PCDHGA8: variants seen among roughly 807,000 people sequenced by gnomAD.
The protein encoded by PCDHGA8 is protocadherin gamma subfamily A, 8, also known as protocadherin gamma-A8.
PCDHGA8 carries 45 observed loss-of-function variants against 59.2 expected under a neutral mutation model. The ratio of observed to expected loss-of-function variants is 0.76; its 90% CI spans 0.60 to 0.98. The LOEUF (loss-of-function observed/expected upper bound fraction) is 0.98, where lower values mean the gene tolerates loss of function less well. PCDHGA8 is among the 50% of genes least tolerant of loss of function. The pLI, the probability that PCDHGA8 is intolerant of heterozygous loss-of-function variation, is 0.00. For synonymous variants in PCDHGA8, 531 were observed against 519.0 expected (o/e 1.02, Z -0.32); for missense variants, 1,257 against 1,196.2 (o/e 1.05, Z -0.75).
chr5:141,437,346 T>C (rs143931647), intron 1 of PCDHGA8, among the ~76,000 whole-genome samples: 2 of 152,380 alleles, frequency 1.3e-5, no homozygotes, highest in East Asian at 3.9e-4. Flanking sequence ...CACTGTTTTA[T>C]AGTACCTAAA....
At position 141,408,935 on chromosome 5, in the gene PCDHGA8, G is replaced by A. The variant is rs773802276; in HGVS notation, c.2424+13698G>A. 6.8e-6 allele frequency: 11 copies of A among 1,613,590 alleles called. No homozygotes were observed. Among genetic ancestry groups the A allele is most frequent in the Non-Finnish European group, 9.3e-6 (11 of 1,179,752 alleles). ...TGATAACCCCCCGGTTTTCAGCAGAGACGAATATAGAATTAGTCTTAGTGA... is the reference window on the plus strand; with the variant it reads ...TGATAACCCCCCGGTTTTCAGCAGAAACGAATATAGAATTAGTCTTAGTGA... On this transcript the variant is annotated intron_variant, in intron 1 of 3. Coordinates refer to ENST00000398604, the MANE Select transcript of PCDHGA8 (RefSeq NM_032088.2).
chr5:141,395,413 GT>G, intron 1 of PCDHGA8, 176 bp downstream of exon 1: 2 of 791,446 alleles, frequency 2.5e-6, no homozygotes, highest in Non-Finnish European at 3.8e-6. Context: ...ATAGGTTATT[GT>G]TTCATTTGCT....
rs1562129544 is a variant in PCDHGA8 at position 141,489,362 on chromosome 5, C to G, written c.2425-5445C>G. ...TACTCAGTGGTGGAGGAGTCTGAGC[C>G]GGGGACGCTGGTGGGGAATGTTGCT... On this transcript the variant is annotated intron_variant, in intron 1 of 3. Transcript: ENST00000398604. This position sits in a 1 kb window ranked among gnomAD's most constrained non-coding sequence, Gnocchi z 4.5. 6.2e-7 allele frequency: 1 copy of G among 1,613,052 alleles called. No individual in the cohort carries two copies. Among genetic ancestry groups the G allele is most frequent in the Non-Finnish European group, 8.5e-7 (1 of 1,179,268 alleles).
Position 141,508,665 on chromosome 5 carries a change from C to T in PCDHGA8, c.2573-2282C>T, listed in dbSNP as rs181641281. ...CGTCAGGCCCTTCCTGTCATTCTGT[C>T]TCTGCCTCCCTTCTCCCTGCTTCTC... On this transcript the variant is annotated intron_variant, in intron 3 of 3. Coordinates refer to ENST00000398604, the MANE Select transcript of PCDHGA8 (RefSeq NM_032088.2). Among the ~76,000 whole-genome samples the T allele has an allele frequency of 3.7e-3, 564 of 152,254 alleles. 5 individuals carry two copies. Among genetic ancestry groups the T allele is most frequent in the Admixed American group, 0.011 (164 of 15,296 alleles).
chr5:141,432,070 T>C lies in PCDHGA8; in HGVS notation c.2424+36833T>C. 6.2e-7 allele frequency: 1 copy of C among 1,614,136 alleles called. No homozygotes were observed. The highest frequency in any genetic ancestry group is 2.2e-5 in the East Asian group (1 of 44,860). ...CCCCGCCCCTATCCACGGAAACTCATATCTCGCTGAACGTGGCAGACACCA... is the reference window on the plus strand; with the variant it reads ...CCCCGCCCCTATCCACGGAAACTCACATCTCGCTGAACGTGGCAGACACCA... On this transcript the variant is annotated intron_variant, in intron 1 of 3. Transcript: ENST00000398604. The surrounding 1 kb of genome is among the most constrained non-coding windows in gnomAD (Gnocchi z 6.0).
intron 1 of PCDHGA8, chr5:141,427,791 G>T (rs763294539): frequency 1.3e-6 from 2 of 1,488,082 alleles, no homozygotes; most frequent in South Asian, 1.1e-5. Context: ...GTCGTCCTAC[G>T]TGTCCGTGAG....
chr5:141,509,575 T>C (rs186302231), intron 3 of PCDHGA8, among the ~76,000 whole-genome samples: 153 of 152,320 alleles, frequency 1.0e-3, no homozygotes, highest in African/African-American at 3.7e-3. Flanking sequence ...TCACAGTGCG[T>C]ACAAATCAGC....
intron 1 of PCDHGA8, among the ~76,000 whole-genome samples, chr5:141,436,720 A>G (rs1337926057): frequency 1.5e-4 from 23 of 152,216 alleles, no homozygotes; most frequent in Non-Finnish European, 3.4e-4. Context: ...TCTGTTGGGA[A>G]AAATAATAAT....
Position 141,496,888 on chromosome 5 carries a change from TA to T in PCDHGA8, c.2483+2038del, listed in dbSNP as rs35063790. 4.6e-3 allele frequency among the ~76,000 whole-genome samples: 621 copies of T among 133,932 alleles called. 1 individual carries two copies. Among genetic ancestry groups the T allele is most frequent in the Middle Eastern group, 0.011 (3 of 270 alleles). 87.9% of individuals were successfully genotyped at this position (133,932 alleles called of 152,430 possible). ...CTGAAAATTTGCAACAAGTAACACT[TA>T]AAAAAAAAAAAAAAGGCTGGGCACT... On this transcript the variant is annotated intron_variant, in intron 2 of 3. Coordinates refer to ENST00000398604, the MANE Select transcript of PCDHGA8 (RefSeq NM_032088.2).
At position 141,485,398 on chromosome 5, in the gene PCDHGA8, C is replaced by T. The variant is rs906016330; in HGVS notation, c.2425-9409C>T. The T allele has an allele frequency of 1.3e-5, 21 of 1,614,044 alleles. No individual in the cohort carries two copies. The highest frequency in any genetic ancestry group is 1.8e-5 in the Non-Finnish European group (21 of 1,179,928). On this transcript the variant is annotated intron_variant, in intron 1 of 3. Coordinates refer to ENST00000398604, the MANE Select transcript of PCDHGA8 (RefSeq NM_032088.2). This position sits in a 1 kb window ranked among gnomAD's most constrained non-coding sequence, Gnocchi z 5.7. ...CTGGAGAGGTGAACCAAAGACACTT[C>T]CGTGTGGATTTGGACAGCGGAGCCC...
In PCDHGA8 at chr5:141,432,518, C is replaced by T. The variant is rs1314948517; in HGVS notation, c.2424+37281C>T. 6.2e-7 allele frequency: 1 copy of T among 1,614,126 alleles called. No homozygotes were observed. The highest frequency in any genetic ancestry group is 8.5e-7 in the Non-Finnish European group (1 of 1,180,024). On this transcript the variant is annotated intron_variant, in intron 1 of 3. Coordinates refer to ENST00000398604, the MANE Select transcript of PCDHGA8 (RefSeq NM_032088.2). This position sits in a 1 kb window ranked among gnomAD's most constrained non-coding sequence, Gnocchi z 6.0. The stretch of plus-strand genomic sequence containing the variant: ...TCCCCGCTCCGCAGAGCCCGGCTAC[C>T]TGGTGACCAAGGTGGTGGCGGTGGA...
Position 141,476,901 on chromosome 5 carries a change from G to A in PCDHGA8, c.2425-17906G>A, listed in dbSNP as rs1466086788. The A allele has an allele frequency of 1.9e-6, 3 of 1,613,782 alleles. No individual in the cohort carries two copies. The African/African-American group carries it at 4.0e-5, about 22-fold the overall frequency. On this transcript the variant is annotated intron_variant, in intron 1 of 3. Coordinates refer to ENST00000398604, the MANE Select transcript of PCDHGA8 (RefSeq NM_032088.2). The surrounding 1 kb of genome is among the most constrained non-coding windows in gnomAD (Gnocchi z 7.6). ...CTGGAGGATGCACCCTCCGGCACGC[G>A]CGTGGTACAAGTCCTTGCAACGGAT...
chr5:141,510,839 C>T (rs186647886), intron 3 of PCDHGA8, 108 bp from the exon 4 acceptor site: 36 of 1,586,990 alleles, frequency 2.3e-5, no homozygotes, highest in Non-Finnish European at 3.1e-5. Context: ...TCAGCGTGGT[C>T]AAGGCCCAGG....
At position 141,392,841 on chromosome 5, in the gene PCDHGA8, C is replaced by T. The variant is rs1464167244; in HGVS notation, c.28C>T (p.Arg10Cys). Reference sequence around the variant, plus strand: ...GGCCGCTCCACAGAGTCGCCCCAGACGCGGCGAGCTGATCCTGCTGTGCGC... The same window carrying T: ...GGCCGCTCCACAGAGTCGCCCCAGATGCGGCGAGCTGATCCTGCTGTGCGC... MAAPQSRPR[R>C]GELILLCALL... The change falls in exon 1 of 4, where the codon CGC becomes TGC. Residue 10 changes from arginine (R) to cysteine (C), a missense_variant. Arg to Cys is a radical substitution (Grantham distance 180). Transcript: ENST00000398604. 1.9e-6 allele frequency: 3 copies of T among 1,608,800 alleles called. No homozygotes were observed. Among genetic ancestry groups the T allele is most frequent in the Non-Finnish European group, 8.5e-7 (1 of 1,177,564 alleles).
chr5:141,402,829 T>G (rs921784924), intron 1 of PCDHGA8: 4 of 1,341,920 alleles, frequency 3.0e-6, no homozygotes, highest in Admixed American at 5.9e-5. Context: ...GCTCCCAGGC[T>G]GCAGCAAAAC....
chr5:141,467,162 C>T (rs765574629), intron 1 of PCDHGA8, among the ~76,000 whole-genome samples: 1 of 151,724 alleles, frequency 6.6e-6, no homozygotes, highest in Non-Finnish European at 1.5e-5. Flanking sequence ...AAGTGATTCT[C>T]ATCTCTCAGC....
chr5:141,421,307 T>C, intron 1 of PCDHGA8: 10 of 1,613,674 alleles, frequency 6.2e-6, no homozygotes, highest in Non-Finnish European at 8.5e-6. Context: ...CTGCGGGGGT[T>C]CCGGGCCAGG....
chr5:141,457,337 TTAC>T (rs1446765287), intron 1 of PCDHGA8, among the ~76,000 whole-genome samples: 2 of 152,202 alleles, frequency 1.3e-5, no homozygotes, highest in Non-Finnish European at 2.9e-5. Flanking sequence ...GGTACCTTAC[TTAC>T]TTTCATTACC....
intron 1 of PCDHGA8, among the ~76,000 whole-genome samples, chr5:141,494,397 A>G (rs965158973): frequency 7.2e-5 from 11 of 152,208 alleles, no homozygotes; most frequent in African/African-American, 2.4e-4. Flanking sequence ...GAATAAATTC[A>G]TTCTAGGGCT....
Sources: gnomAD v4.1 joint callset for allele counts (sites outside exome capture counted in the v4.1 genomes callset) on GRCh38, gnomAD v4.1.1 for gene constraint, Gnocchi (gnomAD v3.1) non-coding constraint, MANE v1.5 for transcripts, NCBI Gene and HGNC (gene_info 2026-07-23, HGNC 2026-07-21) for gene names.